CAMK1D: variants seen among roughly 807,000 people sequenced by gnomAD.
CAMK1D encodes calcium/calmodulin dependent protein kinase ID, also known as calcium/calmodulin-dependent protein kinase type 1D.
Under a neutral mutation model 47.7 loss-of-function variants are expected in CAMK1D, and 9 were observed. The observed-to-expected ratio is 0.19, with a 90% confidence interval of 0.11 to 0.33. The LOEUF (loss-of-function observed/expected upper bound fraction) is 0.33. CAMK1D is among the 10% of genes least tolerant of loss of function. The probability of loss-of-function intolerance (pLI) is 1.00; values close to 1 mark genes in which losing one functional copy is unlikely to be tolerated. For missense variants in CAMK1D, 291 were observed against 488.7 expected (o/e 0.60, Z 3.81); for synonymous variants, 184 against 184.9 (o/e 0.99, Z 0.04).
intron 1 of CAMK1D, among the ~76,000 whole-genome samples, chr10:12,540,136 T>C (rs1340869967): frequency 6.6e-6 from 1 of 151,468 alleles, no homozygotes; most frequent in Non-Finnish European, 1.5e-5. Flanking sequence ...TGCTCTGTTA[T>C]CCAGGCTGGT....
intron 1 of CAMK1D, among the ~76,000 whole-genome samples, chr10:12,487,505 G>A (rs780022770): frequency 2.0e-5 from 3 of 152,250 alleles, no homozygotes; most frequent in Non-Finnish European, 2.9e-5. Context: ...GCCTGTGGCA[G>A]AGACAGCCTG....
chr10:12,731,710 G>A (rs1379670703), intron 3 of CAMK1D, among the ~76,000 whole-genome samples: 2 of 152,206 alleles, frequency 1.3e-5, no homozygotes, highest in East Asian at 1.9e-4. Context: ...GCAGGTAATA[G>A]TGAAAAGATG....
chr10:12,700,481 A>G (rs547480280), intron 3 of CAMK1D, among the ~76,000 whole-genome samples: 1 of 152,224 alleles, frequency 6.6e-6, no homozygotes, highest in South Asian at 2.1e-4. Flanking sequence ...CCCTCCCACC[A>G]CATGTGGGAA....
At chr10:12,605,449 T>C (rs1347227059) in intron 2 of CAMK1D, among the ~76,000 whole-genome samples, 1 of 151,864 alleles carries the variant, frequency 6.6e-6, no homozygotes, top group Non-Finnish European at 1.5e-5. Context: ...AGTATTTGCA[T>C]CCGTGCCATC....
intron 1 of CAMK1D, among the ~76,000 whole-genome samples, chr10:12,391,867 G>C (rs988919931): frequency 6.6e-6 from 1 of 152,140 alleles, no homozygotes; most frequent in African/African-American, 2.4e-5. Context: ...GATAGTTACT[G>C]TCATTAACAG....
intron 4 of CAMK1D, among the ~76,000 whole-genome samples, chr10:12,767,706 G>T (rs1836835231): frequency 6.6e-6 from 1 of 152,186 alleles, no homozygotes; most frequent in Non-Finnish European, 1.5e-5. Context: ...GTAGATAAGA[G>T]ACAAAGAGTT....
chr10:12,527,567 C>T (rs1835667193), intron 1 of CAMK1D, among the ~76,000 whole-genome samples: 2 of 152,026 alleles, frequency 1.3e-5, no homozygotes, highest in Admixed American at 1.3e-4. Context: ...AGGGTTTCAC[C>T]ATGTTGGTCT....
At chr10:12,688,684 T>A (rs1832750919) in intron 3 of CAMK1D, among the ~76,000 whole-genome samples, 1 of 152,172 alleles carries the variant, frequency 6.6e-6, no homozygotes, top group Admixed American at 6.5e-5. Flanking sequence ...CTTTTATTTT[T>A]TATTTTTTAT....
intron 2 of CAMK1D, among the ~76,000 whole-genome samples, chr10:12,605,426 T>C (rs1020571365): frequency 6.6e-6 from 1 of 151,696 alleles, no homozygotes; most frequent in African/African-American, 2.4e-5. Flanking sequence ...AGAACTTCAC[T>C]ACTGTGGCAG....
intron 1 of CAMK1D, among the ~76,000 whole-genome samples, chr10:12,462,156 G>GTTTTTT (rs57336292): frequency 1.3e-5 from 1 of 79,626 alleles, no homozygotes; most frequent in African/African-American, 5.0e-5. Context: ...CCTATGAAGA[G>GTTTTTT]TTTTTTTTTT....
intron 1 of CAMK1D, among the ~76,000 whole-genome samples, chr10:12,492,627 C>G (rs995836857): frequency 8.5e-5 from 13 of 152,170 alleles, no homozygotes; most frequent in Non-Finnish European, 1.9e-4. Context: ...GACCTCATCT[C>G]AAATGAAATA....
intron 2 of CAMK1D, among the ~76,000 whole-genome samples, chr10:12,616,229 G>A (rs1050719322): frequency 5.9e-5 from 9 of 152,130 alleles, no homozygotes; most frequent in African/African-American, 2.2e-4. Context: ...AAGGAAATAG[G>A]AAGAAATAAA....
chr10:12,680,791 C>T (rs1468411300), intron 3 of CAMK1D, among the ~76,000 whole-genome samples: 2 of 151,658 alleles, frequency 1.3e-5, no homozygotes, highest in African/African-American at 4.9e-5. Flanking sequence ...TAAATCCTTG[C>T]TCGTGATTGC....
intron 1 of CAMK1D, among the ~76,000 whole-genome samples, chr10:12,414,087 A>G (rs1026710296): frequency 7.9e-5 from 12 of 152,236 alleles, no homozygotes; most frequent in Admixed American, 5.2e-4. Context: ...GATAGTTGGG[A>G]AAATTGTACA....
chr10:12,833,715 T>C lies in CAMK1D; in HGVS notation c.*4828T>C, dbSNP rs919897064. 6.6e-6 allele frequency: 1 copy of C among 152,176 alleles called. No individual in the cohort carries two copies. The highest frequency in any genetic ancestry group is 2.4e-5 in the African/African-American group (1 of 41,442). The allele number at this position is 152,176 out of a possible 1,614,324, so 9.4% of individuals were successfully genotyped here. ...AAAGGGAAGCTCCTCCCGTTTTTCA[T>C]AAACAGAAGTAAGATGTCCTCTTTC... On this transcript the variant is annotated 3_prime_UTR_variant, in exon 11 of 11. Coordinates refer to ENST00000619168, the MANE Select transcript of CAMK1D (RefSeq NM_153498.4).
chr10:12,716,163 T>G (rs1168838241), intron 3 of CAMK1D, among the ~76,000 whole-genome samples: 1 of 152,126 alleles, frequency 6.6e-6, no homozygotes, highest in African/African-American at 2.4e-5. Flanking sequence ...GCACTTTATC[T>G]CTCTGAAGTG....
chr10:12,520,237 C>T lies in CAMK1D; in HGVS notation c.93-32988C>T, dbSNP rs1196127751. 2.6e-5 allele frequency among the ~76,000 whole-genome samples: 2 copies of T among 76,892 alleles called. 1 individual carries two copies. Among genetic ancestry groups the T allele is most frequent in the Non-Finnish European group, 5.5e-5 (2 of 36,374 alleles). The allele number at this position is 76,892 out of a possible 152,430, so 50.4% of individuals were successfully genotyped here. ...GACGGGGTGGCCGGGCAGAGACGCTCCTCACCTCCCAGACAGGGTTGCGGC... is the reference window on the plus strand; with the variant it reads ...GACGGGGTGGCCGGGCAGAGACGCTTCTCACCTCCCAGACAGGGTTGCGGC... On this transcript the variant is annotated intron_variant, in intron 1 of 10. Coordinates refer to ENST00000619168, the MANE Select transcript of CAMK1D (RefSeq NM_153498.4).
chr10:12,529,212 G>A (rs376979693), intron 1 of CAMK1D, among the ~76,000 whole-genome samples: 5 of 152,212 alleles, frequency 3.3e-5, no homozygotes, highest in African/African-American at 1.2e-4. Flanking sequence ...GGGAACATCC[G>A]TGATGTTAAA....
At chr10:12,683,414 A>G (rs1315252387) in intron 3 of CAMK1D, among the ~76,000 whole-genome samples, 1 of 152,120 alleles carries the variant, frequency 6.6e-6, no homozygotes, top group Non-Finnish European at 1.5e-5. Context: ...GCCTACCAAT[A>G]TGATAAAAAC....
Sources: allele counts gnomAD v4.1 joint callset (sites outside exome capture counted in the v4.1 genomes callset), GRCh38; gene constraint gnomAD v4.1.1; transcripts MANE v1.5; gene names NCBI Gene and HGNC (gene_info 2026-07-23, HGNC 2026-07-21).